UNC5D: variants seen among roughly 807,000 people sequenced by gnomAD.
The protein encoded by UNC5D is netrin receptor UNC5D.
In UNC5D, 39 loss-of-function variants were observed where a neutral mutation model predicts 105.4. That is an observed-to-expected ratio of 0.37 (90% CI 0.29 to 0.48). The LOEUF (loss-of-function observed/expected upper bound fraction) is 0.48. Among genes scored for constraint, UNC5D ranks in the 20% least tolerant of loss-of-function variants. The pLI, the probability that UNC5D is intolerant of heterozygous loss-of-function variation, is 0.98. For missense variants in UNC5D, 991 were observed against 1,202.4 expected, an observed-to-expected ratio of 0.82 and a Z score of 2.60; for synonymous variants, 452 against 450.4, an observed-to-expected ratio of 1.00 and a Z score of -0.04.
At chr8:35,273,345 T>A (rs1805552807) in intron 1 of UNC5D, among the ~76,000 whole-genome samples, 1 of 152,188 alleles carries the variant, frequency 6.6e-6, no homozygotes, top group East Asian at 1.9e-4. Context: ...AACACACACA[T>A]AAATAACTGT....
rs966541316 is a variant in UNC5D, at chr8:35,724,031, G to A, written c.1303+1636G>A. 4.4e-6 allele frequency: 4 copies of A among 901,826 alleles called. No homozygotes were observed. The Admixed American group carries it at 1.6e-4, about 35-fold the overall frequency. 55.9% of individuals were successfully genotyped at this position (901,826 alleles called of 1,614,324 possible). On this transcript the variant is annotated intron_variant, in intron 9 of 16. Transcript: ENST00000404895. ...AGCGCTCACAAATGCAGCGAATAGA[G>A]TTCTAGACGCTGGTTGCTTCCTCTT... is the stretch of plus-strand genomic sequence containing the variant.
At chr8:35,659,462 T>C (rs1427282966) in intron 4 of UNC5D, among the ~76,000 whole-genome samples, 1 of 152,204 alleles carries the variant, frequency 6.6e-6, no homozygotes, top group Admixed American at 6.5e-5. Flanking sequence ...AAGTGCTGTG[T>C]TGTGGGTATG....
chr8:35,767,336 C>G (rs1801819730), intron 15 of UNC5D, among the ~76,000 whole-genome samples: 1 of 152,146 alleles, frequency 6.6e-6, no homozygotes, highest in Admixed American at 6.5e-5. Context: ...TTTTGATACA[C>G]AAAATCACAA....
chr8:35,489,008 A>AG (rs1811017049), intron 1 of UNC5D, among the ~76,000 whole-genome samples: 198 of 149,716 alleles, frequency 1.3e-3, no homozygotes, highest in African/African-American at 4.5e-3. Flanking sequence ...ATCTCCCCCC[A>AG]ATTTTTTTTT....
intron 4 of UNC5D, among the ~76,000 whole-genome samples, chr8:35,676,844 T>A (rs1825264187): frequency 6.6e-6 from 1 of 151,860 alleles, no homozygotes; most frequent in African/African-American, 2.4e-5. Flanking sequence ...GGGTCGGAAG[T>A]CTGGTGTATT....
At chr8:35,751,152 T>C (rs1830264396) in intron 13 of UNC5D, among the ~76,000 whole-genome samples, 1 of 152,132 alleles carries the variant, frequency 6.6e-6, no homozygotes, top group African/African-American at 2.4e-5. Flanking sequence ...GCTTCAGAGA[T>C]GAAGTCATAG....
rs536108640 is a variant in UNC5D at position 35,306,297 on chromosome 8, A to G, written c.103+70410A>G. ...CACCTAATGGAATTTGCTTAAAAAT[A>G]TCCACTGAGGTTTTTTTGTTTAACA... is the stretch of plus-strand genomic sequence containing the variant. On this transcript the variant is annotated intron_variant, in intron 1 of 16. Coordinates refer to ENST00000404895, the MANE Select transcript of UNC5D (RefSeq NM_080872.4). 2.0e-5 allele frequency among the ~76,000 whole-genome samples: 3 copies of G among 152,182 alleles called. No individual in the cohort carries two copies. In the South Asian group the frequency reaches 6.2e-4, roughly 31 times the overall value.
intron 3 of UNC5D, among the ~76,000 whole-genome samples, chr8:35,574,631 G>A (rs549200783): frequency 3.2e-4 from 48 of 152,236 alleles, no homozygotes; most frequent in Non-Finnish European, 5.7e-4. Flanking sequence ...TGGCTTCATG[G>A]CTTTGACAAA....
chr8:35,663,683 AAG>A (rs1450826636), intron 4 of UNC5D, among the ~76,000 whole-genome samples: 1 of 152,080 alleles, frequency 6.6e-6, no homozygotes, highest in Non-Finnish European at 1.5e-5. Flanking sequence ...AAGACAGAAA[AAG>A]AGAGAATGAT....
chr8:35,604,766 C>T (rs1820158324), intron 4 of UNC5D, among the ~76,000 whole-genome samples: 1 of 152,086 alleles, frequency 6.6e-6, no homozygotes, highest in African/African-American at 2.4e-5. Flanking sequence ...TTTCTCTAAA[C>T]TTCTCTTCAT....
chr8:35,275,049 C>T (rs1419972031), intron 1 of UNC5D, among the ~76,000 whole-genome samples: 1 of 151,574 alleles, frequency 6.6e-6, no homozygotes, highest in African/African-American at 2.4e-5. Context: ...CAAGATCGCA[C>T]CACTGCACTC....
chr8:35,521,617 T>C (rs1013455032), intron 1 of UNC5D, among the ~76,000 whole-genome samples: 25 of 152,162 alleles, frequency 1.6e-4, no homozygotes, highest in African/African-American at 5.8e-4. Context: ...TGTTAAGCAC[T>C]CTGTTGAGGT....
chr8:35,758,182 T>C (rs1012501670), intron 13 of UNC5D, among the ~76,000 whole-genome samples: 2 of 152,234 alleles, frequency 1.3e-5, no homozygotes, highest in Non-Finnish European at 2.9e-5. Flanking sequence ...ACAGTTTATG[T>C]GTACGTGAAG....
chr8:35,663,223 C>T (rs1017015447), intron 4 of UNC5D, among the ~76,000 whole-genome samples: 1 of 152,226 alleles, frequency 6.6e-6, no homozygotes, highest in Non-Finnish European at 1.5e-5. Flanking sequence ...ACCAGATCTA[C>T]TGCTGAGAGC....
intron 8 of UNC5D, among the ~76,000 whole-genome samples, chr8:35,719,186 A>ACACACACG (rs1828429711): frequency 1.4e-5 from 2 of 146,978 alleles, no homozygotes; most frequent in Admixed American, 1.3e-4. Context: ...ACACACACAC[A>ACACACACG]CGACTTTCTC....
chr8:35,467,283 G>T (rs750480563), intron 1 of UNC5D, among the ~76,000 whole-genome samples: 1 of 152,064 alleles, frequency 6.6e-6, no homozygotes, highest in Non-Finnish European at 1.5e-5. Context: ...ACCCAGCTGA[G>T]GTTACCTGTT....
intron 10 of UNC5D, among the ~76,000 whole-genome samples, chr8:35,728,496 G>T (rs1412353842): frequency 1.3e-5 from 2 of 152,178 alleles, no homozygotes; most frequent in Non-Finnish European, 2.9e-5. Context: ...TTGAAATGGG[G>T]CATTTTCAAA....
chr8:35,743,304 C>G (rs909906016), intron 11 of UNC5D, among the ~76,000 whole-genome samples: 5 of 152,088 alleles, frequency 3.3e-5, no homozygotes, highest in Admixed American at 2.6e-4. Flanking sequence ...GAGTCTCGCT[C>G]TGTTGCCCAG....
At chr8:35,363,786 A>G (rs1801968934) in intron 1 of UNC5D, among the ~76,000 whole-genome samples, 1 of 152,102 alleles carries the variant, frequency 6.6e-6, no homozygotes, top group Non-Finnish European at 1.5e-5. Context: ...CACATAAAAT[A>G]TTGGTTCTCT....
Sources: allele counts gnomAD v4.1 joint callset (sites outside exome capture counted in the v4.1 genomes callset), GRCh38; gene constraint gnomAD v4.1.1; transcripts MANE v1.5; gene names NCBI Gene and HGNC (gene_info 2026-07-23, HGNC 2026-07-21).